Variants in PARVB observed in about 807,000 individuals in gnomAD.
The protein encoded by PARVB is beta-parvin.
Under a neutral mutation model 47.0 loss-of-function variants are expected in PARVB, and 46 were observed. The observed-to-expected ratio is 0.98, with a 90% CI of 0.77 to 1.25. PARVB has a LOEUF of 1.25. Among genes scored for constraint, PARVB ranks in the 50% most tolerant of loss-of-function variants. PARVB has a pLI of 0.00. For synonymous variants in PARVB, 196 were observed against 196.3 expected, an observed-to-expected ratio of 1.00 and a Z score of 0.01; for missense variants, 473 against 471.6, an observed-to-expected ratio of 1.00 and a Z score of -0.03.
At chr22:44,114,632 G>C (rs1202409017) in intron 3 of PARVB, 3 of 75,640 alleles carry the variant, frequency 4.0e-5, no homozygotes, top group Non-Finnish European at 7.5e-5. Flanking sequence ...CACCAACACA[G>C]ATACATTGTT....
intron 2 of PARVB, among the ~76,000 whole-genome samples, chr22:44,009,865 C>T (rs1215188543): frequency 1.4e-5 from 2 of 145,328 alleles, no homozygotes; most frequent in African/African-American, 2.6e-5. Flanking sequence ...TGGAGTGCGG[C>T]GGCGTGATCT....
intron 1 of PARVB, among the ~76,000 whole-genome samples, chr22:44,063,233 T>C (rs1042642368): frequency 6.8e-6 from 1 of 148,128 alleles, no homozygotes; most frequent in African/African-American, 2.5e-5. Context: ...TTTCTTTTCT[T>C]TTTTTTTTTT....
Position 44,132,917 on chromosome 22 carries a change from G to C in PARVB, c.541G>C (p.Ala181Pro). 6.2e-7 allele frequency: 1 copy of C among 1,613,746 alleles called. No homozygotes were observed. Among genetic ancestry groups the C allele is most frequent in the Non-Finnish European group, 8.5e-7 (1 of 1,179,774 alleles). Residue 181 changes from alanine to proline, a missense_variant, in exon 6 of 13, where the codon GCC becomes CCC. By Grantham distance (27) the Ala-to-Pro change is conservative. Coordinates refer to ENST00000338758, the MANE Select transcript of PARVB (RefSeq NM_013327.5). The part of the protein sequence containing the change: ...VDSIHGKNLV[A>P]ILHLLVSLAM... ...AGCAATTCACGGGAAGAACCTGGTG[G>C]CCATCCTCCACCTGCTGGTCTCTCT...
At chr22:44,079,182 A>G (rs1804166952) in intron 1 of PARVB, among the ~76,000 whole-genome samples, 1 of 152,034 alleles carries the variant, frequency 6.6e-6, no homozygotes, top group Non-Finnish European at 1.5e-5. Flanking sequence ...TGCTTGGTCC[A>G]CCATAGATGG....
chr22:44,007,848 C>A lies in PARVB; in HGVS notation c.211+8175C>A, dbSNP rs531252935. Reference sequence around the variant, plus strand: ...CCAATTCGGTCCTTCCCAGCCCCTGCAGCCACTGTTCTACTTCCTGTCGCT... The same window carrying A: ...CCAATTCGGTCCTTCCCAGCCCCTGAAGCCACTGTTCTACTTCCTGTCGCT... On this transcript the variant is annotated intron_variant, in intron 2 of 13. Transcript: ENST00000406477. Among the ~76,000 whole-genome samples, 4 of 152,276 alleles carry A rather than the reference C, an allele frequency of 2.6e-5. No homozygotes were observed. In the East Asian group the frequency reaches 7.7e-4, roughly 29 times the overall value.
chr22:44,131,500 G>T lies in PARVB; in HGVS notation c.390G>T (p.Gly130=). The change falls in exon 5 of 13, where the codon GGG becomes GGT. Residue 130 remains glycine (G), a synonymous_variant. Transcript: ENST00000338758. Reference sequence around the variant, plus strand: ...TTCTCATTGCAGAAAAACTGGCAGGGTGCAAGCTGAATGTGGCTGAGGTGA... The same window carrying T: ...TTCTCATTGCAGAAAAACTGGCAGGTTGCAAGCTGAATGTGGCTGAGGTGA... ...VLQKLLEKLA[G]CKLNVAEVTQ... 6.2e-7 allele frequency: 1 copy of T among 1,613,970 alleles called. No individual in the cohort carries two copies. The highest frequency in any genetic ancestry group is 1.1e-5 in the South Asian group (1 of 91,060).
At chr22:44,163,992 C>G (rs537963576) in intron 12 of PARVB, 62 bp downstream of exon 12, 1 of 1,306,506 alleles carries the variant, frequency 7.7e-7, no homozygotes, top group East Asian at 2.4e-5. Context: ...AAAAACGGGT[C>G]CTAGAAGTGG....
chr22:43,999,468 C>T, intron 1 of PARVB: 1 of 1,565,588 alleles, frequency 6.4e-7, no homozygotes. Context: ...ACTCAGAAGT[C>T]CAAATTTCTA....
At chr22:44,154,327 A>G (rs1328711325) in intron 10 of PARVB, among the ~76,000 whole-genome samples, 1 of 152,230 alleles carries the variant, frequency 6.6e-6, no homozygotes, top group African/African-American at 2.4e-5. Flanking sequence ...GTTGCAAAGG[A>G]ATTTGGGTAT....
intron 1 of PARVB, 127 bp downstream of exon 1, chr22:44,024,578 G>A (rs2050697453): frequency 3.0e-6 from 1 of 331,490 alleles, no homozygotes; most frequent in Non-Finnish European, 4.6e-6. Context: ...GCGGCTGCGC[G>A]ACCTTCGGGA....
Position 44,148,592 on chromosome 22 carries a change from A to G in PARVB, c.774+670A>G, listed in dbSNP as rs11912613. 3.3e-3 allele frequency: 528 copies of G among 157,772 alleles called. 3 individuals are homozygous for G. The highest frequency in any genetic ancestry group is 0.012 in the African/African-American group (490 of 41,572). The allele number at this position is 157,772 out of a possible 1,614,324, so 9.8% of individuals were successfully genotyped here. ...ATCGGAGGAGCGCTCATTTCAACCC[A>G]TGGTGCAGGCAAGAGAGTTCTCCTT... On this transcript the variant is annotated intron_variant, in intron 9 of 12. Transcript: ENST00000338758.
chr22:44,017,054 T>C (rs1472127211), intron 2 of PARVB, among the ~76,000 whole-genome samples: 1 of 151,902 alleles, frequency 6.6e-6, no homozygotes, highest in Non-Finnish European at 1.5e-5. Flanking sequence ...TTTGTATTTT[T>C]AGTAGAGATG....
intron 2 of PARVB, among the ~76,000 whole-genome samples, chr22:44,095,564 T>A (rs1266018635): frequency 2.0e-5 from 3 of 152,022 alleles, no homozygotes; most frequent in Admixed American, 2.0e-4. Context: ...TTCTTCCCTT[T>A]GGGCCAGCCA....
chr22:44,086,072 C>T (rs963532711), intron 1 of PARVB, among the ~76,000 whole-genome samples: 1 of 152,200 alleles, frequency 6.6e-6, no homozygotes, highest in African/African-American at 2.4e-5. Flanking sequence ...GCGATCCTTC[C>T]GGTTTGGGCC....
chr22:44,131,905 G>A (rs1004002520), intron 5 of PARVB, among the ~76,000 whole-genome samples: 1 of 152,188 alleles, frequency 6.6e-6, no homozygotes, highest in African/African-American at 2.4e-5. Context: ...GGGTGGATCA[G>A]AGGGACTTTG....
chr22:44,158,803 G>A (rs1282560243), intron 11 of PARVB, among the ~76,000 whole-genome samples: 5 of 152,210 alleles, frequency 3.3e-5, no homozygotes, highest in African/African-American at 1.2e-4. Flanking sequence ...GCCATGGATG[G>A]TCTATGTTGC....
In PARVB at chr22:44,151,540, C is replaced by T. The variant is rs1217138543; in HGVS notation, c.832C>T (p.Leu278=). Residue 278 remains leucine (L), a synonymous_variant, in exon 10 of 13, where the codon CTG becomes TTG. Transcript: ENST00000338758. ...LNKLNLEVTE[L]ETQFADGVYL... is the part of the protein sequence containing the mutation. ...CAAGCTGAATTTGGAGGTGACGGAA[C>T]TGGAGACCCAGGTATGTGCTGCTTT... 6.2e-7 allele frequency: 1 copy of T among 1,613,170 alleles called. No individual in the cohort carries two copies. The highest frequency in any genetic ancestry group is 1.7e-5 in the Admixed American group (1 of 60,008).
At chr22:44,164,667 C>A (rs1217882288) in intron 12 of PARVB, among the ~76,000 whole-genome samples, 1 of 152,196 alleles carries the variant, frequency 6.6e-6, no homozygotes, top group Admixed American at 6.5e-5. Flanking sequence ...AGAACTCAGA[C>A]ACTGTGGTTT....
intron 2 of PARVB, among the ~76,000 whole-genome samples, chr22:44,099,282 C>T (rs201848077): frequency 1.3e-5 from 2 of 152,124 alleles, no homozygotes; most frequent in East Asian, 1.9e-4. Context: ...CAGAGGTGCT[C>T]GGCGCCCGCT....
Sources: gnomAD v4.1 joint callset for allele counts (sites outside exome capture counted in the v4.1 genomes callset) on GRCh38, gnomAD v4.1.1 for gene constraint, MANE v1.5 for transcripts, NCBI Gene and HGNC (gene_info 2026-07-23, HGNC 2026-07-21) for gene names.